Variants in NEO1 observed in about 807,000 individuals in gnomAD.
NEO1 encodes the protein neogenin 1, also known as neogenin.
In NEO1, 63 loss-of-function variants were observed where a neutral mutation model predicts 159.7. The observed-to-expected ratio is 0.39, with a 90% CI of 0.32 to 0.49. The LOEUF is 0.49. Among genes scored for constraint, NEO1 ranks in the 20% least tolerant of loss-of-function variants. NEO1 has a pLI of 0.85. For synonymous variants in NEO1, 633 were observed against 662.0 expected (o/e 0.96, Z 0.67); for missense variants, 1,615 against 1,831.0 (o/e 0.88, Z 2.15).
chr15:73,094,309 C>T (rs1410746556), intron 1 of NEO1, among the ~76,000 whole-genome samples: 4 of 152,160 alleles, frequency 2.6e-5, no homozygotes, highest in African/African-American at 9.7e-5. Flanking sequence ...TAAATGAAGT[C>T]ATATAATATG....
chr15:73,168,712 C>T lies in NEO1; in HGVS notation c.1016-7691C>T, dbSNP rs541189631. Among the ~76,000 whole-genome samples, 26 of 152,234 alleles carry T rather than the reference C, an allele frequency of 1.7e-4. 3 individuals carry two copies. The highest frequency in any genetic ancestry group is 1.7e-3 in the Admixed American group (26 of 15,298). On this transcript the variant is annotated intron_variant, in intron 5 of 28. Transcript: ENST00000261908. Reference sequence around the variant, plus strand: ...CCTGTTTCTCTTGGAGAAGCCTATTCACCTTCATTGGAATGGGAAGCTTTC... The same window carrying T: ...CCTGTTTCTCTTGGAGAAGCCTATTTACCTTCATTGGAATGGGAAGCTTTC...
rs140861948 is a variant in NEO1 at position 73,295,156 on chromosome 15, C to G, written c.3901+1608C>G. Among the ~76,000 whole-genome samples the G allele has an allele frequency of 6.4e-4, 61 of 95,490 alleles. 4 individuals carry two copies. In the East Asian group the frequency reaches 0.019, roughly 30 times the overall value. The allele number at this position is 95,490 out of a possible 152,430, so 62.6% of individuals were successfully genotyped here. Reference sequence around the variant, plus strand: ...TATATATATATATGTAAAAATTTGGCCTTTCTACTATCTCCCTCCAAATCC... The same window carrying G: ...TATATATATATATGTAAAAATTTGGGCTTTCTACTATCTCCCTCCAAATCC... On this transcript the variant is annotated intron_variant, in intron 26 of 28. Coordinates refer to ENST00000261908, the MANE Select transcript of NEO1 (RefSeq NM_002499.4).
intron 1 of NEO1, among the ~76,000 whole-genome samples, chr15:73,067,077 T>G (rs115938174): frequency 3.2e-3 from 481 of 152,332 alleles, no homozygotes; most frequent in African/African-American, 0.011. Context: ...TTTCTGTTAT[T>G]TGTGGAAGTT....
At chr15:73,293,039 A>G (rs947333479) in intron 25 of NEO1, among the ~76,000 whole-genome samples, 2 of 152,248 alleles carry the variant, frequency 1.3e-5, no homozygotes, top group African/African-American at 2.4e-5. Context: ...GTAATAACTC[A>G]TGTAATCCAT....
intron 15 of NEO1, 92 bp downstream of exon 15, chr15:73,260,557 C>T (rs1016424010): frequency 7.8e-6 from 9 of 1,160,600 alleles, no homozygotes; most frequent in Admixed American, 3.0e-5. Context: ...AAGAAAATTG[C>T]GAAAATAGTA....
At chr15:73,233,354 T>C (rs2039012611) in intron 7 of NEO1, among the ~76,000 whole-genome samples, 2 of 152,198 alleles carry the variant, frequency 1.3e-5, no homozygotes, top group African/African-American at 4.8e-5. Context: ...TTACAAATGG[T>C]ATATCATTAT....
chr15:73,162,081 T>G (rs192380751), intron 5 of NEO1: 4 of 223,030 alleles, frequency 1.8e-5, no homozygotes, highest in Admixed American at 1.7e-4. Context: ...CATACAGATT[T>G]CTTCAGTGGA....
At position 73,293,455 on chromosome 15, in the gene NEO1, C is replaced by T; in HGVS notation, c.3808C>T (p.Leu1270Phe). 2 of 1,614,208 alleles carry T rather than the reference C, an allele frequency of 1.2e-6. No individual in the cohort carries two copies. Among genetic ancestry groups the T allele is most frequent in the Non-Finnish European group, 1.7e-6 (2 of 1,180,050 alleles). ...NPHHHFHSSS[L>F]ASPARSHLYH... The stretch of plus-strand genomic sequence containing the variant: ...TCACCATCATTTCCACTCCAGCAGC[C>T]TCGCTTCTCCAGCTCGCAGTCATCT... The change falls in exon 26 of 29, where the codon CTC (leucine) becomes TTC (phenylalanine). Residue 1270 changes from leucine (L) to phenylalanine (F), a missense_variant. Physicochemically the swap from Leu to Phe is conservative, Grantham distance 22. Around this residue, in one of 3 missense-constraint regions of NEO1, gnomAD observed 471 missense variants for 498.9 expected, o/e 0.94. Transcript: ENST00000261908.
chr15:73,224,400 T>C (rs556109400), intron 7 of NEO1, among the ~76,000 whole-genome samples: 3 of 152,252 alleles, frequency 2.0e-5, no homozygotes, highest in Admixed American at 6.5e-5. Flanking sequence ...TTTCCAAATA[T>C]GTTTTCCAAA....
chr15:73,173,827 C>T (rs1395766164), intron 5 of NEO1, among the ~76,000 whole-genome samples: 2 of 152,120 alleles, frequency 1.3e-5, no homozygotes, highest in Admixed American at 6.5e-5. Context: ...TGGCCGGTCG[C>T]GGTGGCTCAT....
At chr15:73,205,970 C>T (rs1360368480) in intron 7 of NEO1, among the ~76,000 whole-genome samples, 2 of 151,896 alleles carry the variant, frequency 1.3e-5, no homozygotes, top group Non-Finnish European at 2.9e-5. Flanking sequence ...TGCAGTGGTG[C>T]GATCTCGGCT....
chr15:73,183,817 A>G (rs1170380357), intron 7 of NEO1, among the ~76,000 whole-genome samples: 1 of 152,204 alleles, frequency 6.6e-6, no homozygotes, highest in Non-Finnish European at 1.5e-5. Context: ...GTCTCCCAGT[A>G]GAGGAATTTG....
At chr15:73,058,958 A>G (rs1268950475) in intron 1 of NEO1, among the ~76,000 whole-genome samples, 1 of 152,124 alleles carries the variant, frequency 6.6e-6, no homozygotes, top group African/African-American at 2.4e-5. Flanking sequence ...GTTATTGTAT[A>G]TCTTTTTTTT....
chr15:73,174,099 CA>C (rs35792534), intron 5 of NEO1, among the ~76,000 whole-genome samples: 17 of 143,132 alleles, frequency 1.2e-4, no homozygotes, highest in Admixed American at 1.4e-4. Flanking sequence ...GACTCCATCT[CA>C]AAAAAAAAAA....
chr15:73,216,039 G>A (rs556886992), intron 7 of NEO1, among the ~76,000 whole-genome samples: 29 of 151,656 alleles, frequency 1.9e-4, no homozygotes, highest in African/African-American at 4.8e-4. Flanking sequence ...CCACTAACTC[G>A]TCATCTAGCA....
intron 3 of NEO1, among the ~76,000 whole-genome samples, chr15:73,124,952 A>G (rs968342780): frequency 6.6e-6 from 1 of 152,226 alleles, no homozygotes; most frequent in Non-Finnish European, 1.5e-5. Flanking sequence ...TGAATTAAAA[A>G]AAAGAACTAT....
At chr15:73,230,896 TA>T (rs926280292) in intron 7 of NEO1, among the ~76,000 whole-genome samples, 7 of 150,642 alleles carry the variant, frequency 4.6e-5, no homozygotes, top group African/African-American at 7.3e-5. Context: ...CCTGGCCTGT[TA>T]AAAAAATTTT....
At chr15:73,204,496 T>G (rs1350104068) in intron 7 of NEO1, among the ~76,000 whole-genome samples, 1 of 152,154 alleles carries the variant, frequency 6.6e-6, no homozygotes, top group Non-Finnish European at 1.5e-5. Context: ...TCTTTGCATT[T>G]TAGTGTAGGA....
intron 1 of NEO1, among the ~76,000 whole-genome samples, chr15:73,059,944 C>T (rs1356095557): frequency 6.6e-6 from 1 of 151,874 alleles, no homozygotes; most frequent in Non-Finnish European, 1.5e-5. Flanking sequence ...ATTAATAGTA[C>T]AACTTACTAA....
Sources: gnomAD v4.1 joint callset for allele counts (sites outside exome capture counted in the v4.1 genomes callset) on GRCh38, gnomAD v4.1.1 for gene constraint, gnomAD v4.1.1 regional missense constraint, MANE v1.5 for transcripts, NCBI Gene and HGNC (gene_info 2026-07-23, HGNC 2026-07-21) for gene names.